Variants in TUSC3 observed in about 807,000 individuals in gnomAD.
TUSC3 encodes the protein dolichyl-diphosphooligosaccharide--protein glycosyltransferase subunit TUSC3.
TUSC3 carries 45 observed loss-of-function variants against 44.8 expected under a neutral mutation model. That is an observed-to-expected ratio of 1.00 (90% CI 0.79 to 1.29). The LOEUF (loss-of-function observed/expected upper bound fraction) is 1.29. Among genes scored for constraint, TUSC3 ranks in the 50% most tolerant of loss-of-function variants. The pLI is 0.00. For missense variants in TUSC3, 519 were observed against 437.9 expected (o/e 1.19, Z -1.65); for synonymous variants, 212 against 152.9 (o/e 1.39, Z -2.85).
At chr8:15,506,849 C>T (rs1381678775) in intron 2 of TUSC3, among the ~76,000 whole-genome samples, 2 of 152,242 alleles carry the variant, frequency 1.3e-5, no homozygotes, top group Non-Finnish European at 1.5e-5. Context: ...GCCCCTTACC[C>T]GGAAGGAAGG....
At chr8:15,676,602 G>T (rs1808201249) in intron 6 of TUSC3, among the ~76,000 whole-genome samples, 1 of 152,116 alleles carries the variant, frequency 6.6e-6, no homozygotes, top group Non-Finnish European at 1.5e-5. Flanking sequence ...TTTTCCAGCG[G>T]ACATTTGGTA....
chr8:15,843,314 T>A, the TUSC3 span, among the ~76,000 whole-genome samples: 2 of 152,170 alleles, frequency 1.3e-5, no homozygotes, highest in Non-Finnish European at 2.9e-5. Context: ...CAGATACGTT[T>A]GGAAAAGCTG....
chr8:15,450,112 A>G (rs867399813), intron 1 of TUSC3, among the ~76,000 whole-genome samples: 36 of 152,302 alleles, frequency 2.4e-4, no homozygotes, highest in African/African-American at 8.4e-4. Flanking sequence ...TGACGACTGT[A>G]TGTTTATCTT....
chr8:15,750,802 GGA>G (rs1811665363), intron 9 of TUSC3, among the ~76,000 whole-genome samples: 1 of 152,130 alleles, frequency 6.6e-6, no homozygotes, highest in African/African-American at 2.4e-5. Flanking sequence ...CAGCCTAACA[GGA>G]GATAGATTTG....
intron 2 of TUSC3, among the ~76,000 whole-genome samples, chr8:15,500,733 C>G (rs553556035): frequency 2.3e-4 from 35 of 152,236 alleles, no homozygotes; most frequent in African/African-American, 8.4e-4. Context: ...GAGAATGTGA[C>G]AGGAAACATC....
At chr8:15,567,621 T>G (rs778382328) in intron 1 of TUSC3, among the ~76,000 whole-genome samples, 4 of 152,160 alleles carry the variant, frequency 2.6e-5, no homozygotes, top group African/African-American at 9.7e-5. Flanking sequence ...CTTTGTCATA[T>G]GTAAGATTGC....
At chr8:15,545,533 C>G (rs1801835279) in intron 1 of TUSC3, among the ~76,000 whole-genome samples, 1 of 151,768 alleles carries the variant, frequency 6.6e-6, no homozygotes, top group Admixed American at 6.6e-5. Flanking sequence ...TGGTCCAGAA[C>G]AAGTCAGTCA....
intron 1 of TUSC3, among the ~76,000 whole-genome samples, chr8:15,603,690 C>T (rs1373064369): frequency 6.6e-6 from 1 of 151,376 alleles, no homozygotes; most frequent in Non-Finnish European, 1.5e-5. Context: ...TGATGATGAA[C>T]ATGAACTGTG....
chr8:15,739,610 A>G (rs966360852), intron 7 of TUSC3, among the ~76,000 whole-genome samples: 1 of 151,564 alleles, frequency 6.6e-6, no homozygotes, highest in Non-Finnish European at 1.5e-5. Flanking sequence ...ATTCATAGAC[A>G]TCTTTAAAAT....
At chr8:15,659,693 G>C (rs368547231) in intron 4 of TUSC3, 46 bp downstream of exon 4, 3 of 1,605,368 alleles carry the variant, frequency 1.9e-6, no homozygotes, top group Non-Finnish European at 1.7e-6. Flanking sequence ...TGGTTAGTTT[G>C]TTTTTATGGA....
At chr8:15,730,606 A>C (rs992968050) in intron 6 of TUSC3, 60 bp from the exon 7 acceptor site, 8 of 1,546,890 alleles carry the variant, frequency 5.2e-6, no homozygotes, top group Non-Finnish European at 7.1e-6. Context: ...CATGACTTAA[A>C]ACTACAAAAT....
chr8:15,558,670 G>A lies in TUSC3; in HGVS notation c.138+18102G>A, dbSNP rs868099036. Among the ~76,000 whole-genome samples the A allele has an allele frequency of 3.2e-3, 384 of 119,212 alleles. 5 individuals carry two copies. The Middle Eastern group carries it at 0.042, about 13-fold the overall frequency. 78.2% of individuals were successfully genotyped at this position (119,212 alleles called of 152,430 possible). On this transcript the variant is annotated intron_variant, in intron 1 of 10. Transcript: ENST00000503731. The stretch of plus-strand genomic sequence containing the variant: ...TTTGGTTGGTAAGCTATTGATTATT[G>A]CCACAATTTCAGCTCCTGTTATTGG...
At chr8:15,815,723 C>T in the TUSC3 span, among the ~76,000 whole-genome samples, 12 of 152,050 alleles carry the variant, frequency 7.9e-5, no homozygotes, top group African/African-American at 2.9e-4. Context: ...TTTTCTTGTC[C>T]TTTGAACAAT....
At chr8:15,622,477 A>G (rs1049774071) in intron 1 of TUSC3, among the ~76,000 whole-genome samples, 2 of 151,902 alleles carry the variant, frequency 1.3e-5, no homozygotes, top group Admixed American at 6.6e-5. Flanking sequence ...TCTCCTCCCA[A>G]ACCTCCCTAG....
At chr8:15,807,185 A>G in the TUSC3 span, 2 of 771,964 alleles carry the variant, frequency 2.6e-6, no homozygotes, top group East Asian at 2.5e-5. Context: ...CCATTTCAAT[A>G]CGTCAACCTT....
the TUSC3 span, among the ~76,000 whole-genome samples, chr8:15,848,270 G>A: frequency 1.3e-5 from 2 of 152,176 alleles, no homozygotes; most frequent in African/African-American, 4.8e-5. Context: ...GACTGATCCA[G>A]TTCTCCCCTC....
At chr8:15,733,002 G>T (rs1810785032) in intron 7 of TUSC3, among the ~76,000 whole-genome samples, 1 of 152,136 alleles carries the variant, frequency 6.6e-6, no homozygotes, top group African/African-American at 2.4e-5. Flanking sequence ...AGGAGTACTT[G>T]TTTGGCTCTA....
chr8:15,444,905 T>G (rs1199037279), intron 1 of TUSC3, among the ~76,000 whole-genome samples: 3 of 152,192 alleles, frequency 2.0e-5, no homozygotes, highest in African/African-American at 7.2e-5. Context: ...GGCAAACTCC[T>G]GGAAGGGAGG....
At chr8:15,757,657 C>T in intron 9 of TUSC3, 134 bp from the exon 10 acceptor site, 1 of 1,132,108 alleles carries the variant, frequency 8.8e-7, no homozygotes, top group Admixed American at 1.9e-5. Flanking sequence ...TGTAAAGGCA[C>T]CATCGTCTAT....
Sources: gnomAD v4.1 joint callset for allele counts (sites outside exome capture counted in the v4.1 genomes callset) on GRCh38, gnomAD v4.1.1 for gene constraint, MANE v1.5 for transcripts, NCBI Gene and HGNC (gene_info 2026-07-23, HGNC 2026-07-21) for gene names.